The following MCM5 variants were observed in gnomAD, a reference collection of about 807,000 sequenced individuals.
MCM5 encodes DNA replication licensing factor MCM5.
Under a neutral mutation model 79.9 loss-of-function variants are expected in MCM5, and 46 were observed. The ratio of observed to expected loss-of-function variants is 0.58; its 90% CI spans 0.45 to 0.74. The LOEUF is 0.74. Ranked by LOEUF, MCM5 falls within the 30% of genes least tolerant of loss-of-function variation. The pLI is 0.00. For missense variants in MCM5, 883 were observed against 1,017.0 expected (o/e 0.87, Z 1.79); for synonymous variants, 404 against 390.5 (o/e 1.03, Z -0.41).
Position 35,410,927 on chromosome 22 carries a change from G to T in MCM5, c.919+17G>T. 3 of 1,577,742 alleles carry T rather than the reference G, an allele frequency of 1.9e-6. No individual in the cohort carries two copies. Among genetic ancestry groups the T allele is most frequent in the Non-Finnish European group, 2.6e-6 (3 of 1,159,276 alleles). ...ATGGCTCTGGTGAGTTGGCTTTGGG[G>T]TCCTGGCTTAGCCCTGCTAAAAGGC... On this transcript the variant is annotated intron_variant, in intron 7 of 16. Transcript: ENST00000216122.
At chr22:35,437,307 C>T in the MCM5 span, among the ~76,000 whole-genome samples, 1 of 152,188 alleles carries the variant, frequency 6.6e-6, no homozygotes, top group Admixed American at 6.5e-5. Context: ...CAGGCTGGGC[C>T]AATCAGTCTT....
the MCM5 span, among the ~76,000 whole-genome samples, chr22:35,438,455 A>G: frequency 1.1e-5 from 1 of 92,598 alleles, no homozygotes; most frequent in South Asian, 3.2e-4. Context: ...ATCCATCCAC[A>G]TATTCATCCA....
At chr22:35,409,599 C>T (rs4645773) in intron 6 of MCM5, 7,596 of 152,280 alleles carry the variant, frequency 0.05, 229 homozygotes, top group African/African-American at 0.085. Context: ...AAAGATTCTA[C>T]TGAGGGGGAG....
chr22:35,404,426 T>G (rs1932152971), intron 4 of MCM5, among the ~76,000 whole-genome samples: 1 of 152,230 alleles, frequency 6.6e-6, no homozygotes, highest in Non-Finnish European at 1.5e-5. Flanking sequence ...TCCTGTAGAA[T>G]GTGCTGCCTT....
intron 4 of MCM5, among the ~76,000 whole-genome samples, chr22:35,404,152 G>GA (rs901235986): frequency 1.6e-4 from 23 of 148,372 alleles, no homozygotes; most frequent in South Asian, 4.3e-4. Flanking sequence ...ACTTTATCCC[G>GA]AAAAAAAAAA....
At position 35,410,833 on chromosome 22, in the gene MCM5, G is replaced by A. The variant is rs1212899388; in HGVS notation, c.842G>A (p.Gly281Asp). 6.2e-7 allele frequency: 1 copy of A among 1,614,046 alleles called. No homozygotes were observed. The highest frequency in any genetic ancestry group is 1.7e-5 in the Admixed American group (1 of 60,020). ...IKKFGLTTSR[G>D]RDRVGVGIRS... is the part of the protein sequence containing the mutation. ...AAGTTTGGCCTGACTACCAGCAGGG[G>A]CCGTGACAGGGTGGGCGTGGGCATC... is the stretch of plus-strand genomic sequence containing the variant. Residue 281 changes from glycine to aspartate, a missense_variant, in exon 7 of 17, where the codon GGC becomes GAC. Transcript: ENST00000216122.
Position 35,421,277 on chromosome 22 carries a change from A to G in MCM5, c.1833-41A>G, listed in dbSNP as rs984191266. On this transcript the variant is annotated intron_variant, in intron 14 of 16. Coordinates refer to ENST00000216122, the MANE Select transcript of MCM5 (RefSeq NM_006739.4). ...CGGGCTGGCTGGGGAGGAAGGGAAT[A>G]GCGGACCGAGGCTACCCTGAGCACG... 10 of 1,592,500 alleles carry G rather than the reference A, an allele frequency of 6.3e-6. No individual in the cohort carries two copies. The African/African-American group carries it at 9.4e-5, about 15-fold the overall frequency.
the MCM5 span, among the ~76,000 whole-genome samples, chr22:35,444,289 G>T: frequency 6.6e-6 from 1 of 151,942 alleles, no homozygotes; most frequent in Non-Finnish European, 1.5e-5. Context: ...GGGGGCTTGA[G>T]GCTGAGGAGT....
the MCM5 span, among the ~76,000 whole-genome samples, chr22:35,439,063 TCATC>T: frequency 5.3e-4 from 57 of 108,488 alleles, no homozygotes; most frequent in East Asian, 6.2e-3. Context: ...ACCCACATAT[TCATC>T]CATCCATCCA....
rs1224607594 is a variant in MCM5 at position 35,410,571 on chromosome 22, G to C, written c.753-173G>C. The C allele has an allele frequency of 6.0e-5, 39 of 655,280 alleles. No homozygotes were observed. The Admixed American group carries it at 8.3e-4, about 14-fold the overall frequency. 40.6% of individuals were successfully genotyped at this position (655,280 alleles called of 1,614,324 possible). A position where few individuals can be genotyped will look rare whatever the true frequency, so the allele number is the denominator to read the frequency against. Reference sequence around the variant, plus strand: ...CAGCTGAGCATGGGCTGAGTGACGTGGGGAGAGAGGCCGTTCTCTGGGCTC... The same window carrying C: ...CAGCTGAGCATGGGCTGAGTGACGTCGGGAGAGAGGCCGTTCTCTGGGCTC... On this transcript the variant is annotated intron_variant, in intron 6 of 16. Transcript: ENST00000216122.
At chr22:35,414,248 G>C (rs1396767368) in intron 9 of MCM5, among the ~76,000 whole-genome samples, 4 of 152,204 alleles carry the variant, frequency 2.6e-5, no homozygotes, top group African/African-American at 9.7e-5. Flanking sequence ...GAAATTGGCT[G>C]TGGGCTTTGA....
At chr22:35,438,472 CACAT>C in the MCM5 span, among the ~76,000 whole-genome samples, 29 of 38,686 alleles carry the variant, frequency 7.5e-4, no homozygotes, top group South Asian at 1.5e-3. Context: ...TCCATCCATC[CACAT>C]ATCCATCCAT....
chr22:35,408,479 A>T lies in MCM5; in HGVS notation c.668A>T (p.Asp223Val). 6.2e-7 allele frequency: 1 copy of T among 1,614,232 alleles called. No homozygotes were observed. The highest frequency in any genetic ancestry group is 1.1e-5 in the South Asian group (1 of 91,088). The change falls in exon 6 of 17, where the codon GAC (aspartate) becomes GTC (valine). Residue 223 changes from aspartate (D) to valine (V), a missense_variant. Asp to Val is a radical substitution (Grantham distance 152). Around this residue, in one of 3 missense-constraint regions of MCM5, gnomAD observed 455 missense variants for 517.5 expected, o/e 0.88. Coordinates refer to ENST00000216122, the MANE Select transcript of MCM5 (RefSeq NM_006739.4). ...ATGCCCGACAAATGCAAATGCGTGG[A>T]CTTCCAGACCCTGAAGCTGCAGGAG... ...FIMPDKCKCVDFQTLKLQELP... is the reference protein window; with the variant it reads ...FIMPDKCKCVVFQTLKLQELP...
At position 35,416,818 on chromosome 22, in the gene MCM5, C is replaced by T. The variant is rs181949924; in HGVS notation, c.1590+4C>T. 6.8e-6 allele frequency: 11 copies of T among 1,612,688 alleles called. No homozygotes were observed. Among genetic ancestry groups the T allele is most frequent in the East Asian group, 2.2e-5 (1 of 44,848 alleles). On this transcript the variant is annotated splice_donor_region_variant and intron_variant, in intron 12 of 16. Coordinates refer to ENST00000216122, the MANE Select transcript of MCM5 (RefSeq NM_006739.4). ...GCACAATGAGGAGAGGGATGTGGTA[C>T]GTCCAGGGGCAGGGCTGGTGGCCAT...
chr22:35,439,340 TATTC>T, the MCM5 span, among the ~76,000 whole-genome samples: 1 of 148,850 alleles, frequency 6.7e-6, no homozygotes, highest in Non-Finnish European at 1.5e-5. Flanking sequence ...TCTACCCACA[TATTC>T]ATTCATCCAT....
intron 8 of MCM5, among the ~76,000 whole-genome samples, chr22:35,413,295 C>T (rs531395620): frequency 1.2e-4 from 19 of 152,330 alleles, no homozygotes; most frequent in African/African-American, 3.8e-4. Flanking sequence ...CCGCCCGCCT[C>T]GGCCTCCCAA....
chr22:35,451,328 G>A, the MCM5 span, among the ~76,000 whole-genome samples: 1 of 152,280 alleles, frequency 6.6e-6, no homozygotes, highest in Non-Finnish European at 1.5e-5. Flanking sequence ...GAACATTTAA[G>A]TCAAACTTTG....
chr22:35,400,729 T>C (rs1164766214), intron 2 of MCM5, 124 bp downstream of exon 2: 2 of 1,069,164 alleles, frequency 1.9e-6, no homozygotes, highest in Non-Finnish European at 2.6e-6. Flanking sequence ...GAGCCGGTCC[T>C]GGGTCACAGG....
the MCM5 span, among the ~76,000 whole-genome samples, chr22:35,431,804 G>A: frequency 9.2e-5 from 14 of 152,134 alleles, no homozygotes; most frequent in African/African-American, 2.9e-4. Flanking sequence ...TTTCTCCAGC[G>A]ACCCAGACTT....
Sources: gnomAD v4.1 joint callset for allele counts (sites outside exome capture counted in the v4.1 genomes callset) on GRCh38, gnomAD v4.1.1 for gene constraint, gnomAD v4.1.1 regional missense constraint, MANE v1.5 for transcripts, NCBI Gene and HGNC (gene_info 2026-07-23, HGNC 2026-07-21) for gene names.